Variants in NEGR1 observed in about 807,000 individuals in gnomAD.
NEGR1 encodes the protein neuronal growth regulator 1, also known as IgLON family member 4.
Under a neutral mutation model 40.9 loss-of-function variants are expected in NEGR1, and 10 were observed. The ratio of observed to expected loss-of-function variants is 0.24; its 90% CI spans 0.15 to 0.42. NEGR1 has a LOEUF of 0.42. NEGR1 is among the 10% of genes least tolerant of loss of function. The probability of loss-of-function intolerance (pLI) is 1.00; values close to 1 mark genes in which losing one functional copy is unlikely to be tolerated. For missense variants in NEGR1, 352 were observed against 438.9 expected, an observed-to-expected ratio of 0.80 and a Z score of 1.77; for synonymous variants, 185 against 166.8, an observed-to-expected ratio of 1.11 and a Z score of -0.84.
chr1:71,983,825 T>C (rs892485251), intron 1 of NEGR1, among the ~76,000 whole-genome samples: 13 of 152,204 alleles, frequency 8.5e-5, no homozygotes, highest in African/African-American at 3.1e-4. Flanking sequence ...TCCATTTTAT[T>C]TGTAATTGAT....
chr1:71,784,984 T>C (rs1239959651), intron 2 of NEGR1, among the ~76,000 whole-genome samples: 1 of 152,224 alleles, frequency 6.6e-6, no homozygotes, highest in Non-Finnish European at 1.5e-5. Flanking sequence ...AGAGTTTCAA[T>C]ATTTTGGACT....
At chr1:71,907,165 A>G (rs893337584) in intron 2 of NEGR1, among the ~76,000 whole-genome samples, 22 of 152,242 alleles carry the variant, frequency 1.4e-4, no homozygotes, top group Admixed American at 5.9e-4. Context: ...CATGGGTTAA[A>G]CTCATGCTTC....
At chr1:71,942,472 T>G (rs1645970162) in intron 1 of NEGR1, among the ~76,000 whole-genome samples, 1 of 14,690 alleles carries the variant, frequency 6.8e-5, no homozygotes, top group South Asian at 3.1e-3. Context: ...TATATATATA[T>G]ATATATATAT....
chr1:71,649,545 C>T (rs749310646), intron 4 of NEGR1, among the ~76,000 whole-genome samples: 11 of 151,840 alleles, frequency 7.2e-5, no homozygotes, highest in Non-Finnish European at 1.2e-4. Context: ...TACCTAGGAA[C>T]AAGATAAAAT....
At chr1:71,837,762 G>T (rs1162951752) in intron 2 of NEGR1, among the ~76,000 whole-genome samples, 3 of 152,054 alleles carry the variant, frequency 2.0e-5, no homozygotes. Flanking sequence ...TCTATTTAAA[G>T]CAGTAAAGCA....
At chr1:71,851,898 C>T (rs952904584) in intron 2 of NEGR1, among the ~76,000 whole-genome samples, 1 of 152,026 alleles carries the variant, frequency 6.6e-6, no homozygotes, top group East Asian at 1.9e-4. Flanking sequence ...ATTCACTTCC[C>T]TTACTTGTAA....
chr1:71,506,505 A>G (rs1474152687), intron 6 of NEGR1, among the ~76,000 whole-genome samples: 1 of 152,178 alleles, frequency 6.6e-6, no homozygotes, highest in Admixed American at 6.5e-5. Context: ...TAAGTACCCC[A>G]TGCCAGGTCA....
chr1:71,995,696 T>C (rs1225094979), intron 1 of NEGR1, among the ~76,000 whole-genome samples: 1 of 152,180 alleles, frequency 6.6e-6, no homozygotes, highest in East Asian at 1.9e-4. Context: ...AAGATAAAAC[T>C]TACGATTTCC....
At chr1:71,579,922 T>G (rs1042130155) in intron 6 of NEGR1, among the ~76,000 whole-genome samples, 1 of 152,160 alleles carries the variant, frequency 6.6e-6, no homozygotes, top group Non-Finnish European at 1.5e-5. Flanking sequence ...GGAGTGGGAA[T>G]GAAGCATAGT....
intron 1 of NEGR1, among the ~76,000 whole-genome samples, chr1:71,983,149 T>C (rs564109705): frequency 6.6e-6 from 1 of 152,298 alleles, no homozygotes; most frequent in South Asian, 2.1e-4. Context: ...TAGAGCACTT[T>C]GCAGTTGAAA....
intron 2 of NEGR1, among the ~76,000 whole-genome samples, chr1:71,824,899 C>T (rs1358503901): frequency 6.6e-6 from 1 of 151,958 alleles, no homozygotes; most frequent in African/African-American, 2.4e-5. Context: ...CCCATCTATT[C>T]TCTTATTTAT....
rs561855277 is a variant in NEGR1, at chr1:71,823,446, A to C, written c.410-47149T>G. On this transcript the variant is annotated intron_variant, in intron 2 of 6. Coordinates refer to ENST00000357731, the MANE Select transcript of NEGR1 (RefSeq NM_173808.3). ...GGGAATTGAAGTTGAGAGGTAAATA[A>C]ACTTTTAATGTTTAGAGAATATTTG... Among the ~76,000 whole-genome samples, 4 of 152,124 alleles carry C rather than the reference A, an allele frequency of 2.6e-5. No homozygotes were observed. The East Asian group carries it at 7.8e-4, about 30-fold the overall frequency.
At chr1:72,048,024 A>C (rs1647018792) in intron 1 of NEGR1, among the ~76,000 whole-genome samples, 1 of 151,212 alleles carries the variant, frequency 6.6e-6, no homozygotes, top group Non-Finnish European at 1.5e-5. Flanking sequence ...TGGACCAACT[A>C]CTCTTTTGAC....
intron 1 of NEGR1, among the ~76,000 whole-genome samples, chr1:72,182,451 C>A (rs911544070): frequency 4.6e-5 from 7 of 152,044 alleles, no homozygotes; most frequent in African/African-American, 1.7e-4. Context: ...CAAGATCATG[C>A]CACTGCATTC....
At chr1:71,639,221 A>C (rs1218180648) in intron 4 of NEGR1, among the ~76,000 whole-genome samples, 1 of 151,734 alleles carries the variant, frequency 6.6e-6, no homozygotes, top group Non-Finnish European at 1.5e-5. Context: ...AAAAAAAAAA[A>C]AACAGGACAC....
At chr1:71,511,211 A>G (rs1444411380) in intron 6 of NEGR1, among the ~76,000 whole-genome samples, 1 of 152,226 alleles carries the variant, frequency 6.6e-6, no homozygotes, top group Non-Finnish European at 1.5e-5. Flanking sequence ...TTCACTAGTA[A>G]GAAAGGAAAG....
chr1:71,725,986 A>G (rs1206779448), intron 3 of NEGR1, among the ~76,000 whole-genome samples: 2 of 152,126 alleles, frequency 1.3e-5, no homozygotes, highest in Non-Finnish European at 2.9e-5. Flanking sequence ...CATCCTCAAC[A>G]AGTGGACATG....
At chr1:72,028,065 C>A (rs964835689) in intron 1 of NEGR1, among the ~76,000 whole-genome samples, 5 of 152,208 alleles carry the variant, frequency 3.3e-5, no homozygotes, top group African/African-American at 1.2e-4. Context: ...CGTGAAATTT[C>A]TATCCTAAAA....
At chr1:72,053,691 A>G (rs184803453) in intron 1 of NEGR1, among the ~76,000 whole-genome samples, 2 of 151,384 alleles carry the variant, frequency 1.3e-5, no homozygotes, top group Admixed American at 1.3e-4. Flanking sequence ...TAACTTATAC[A>G]GATAAATTAA....
Sources: allele counts gnomAD v4.1 joint callset (sites outside exome capture counted in the v4.1 genomes callset), GRCh38; gene constraint gnomAD v4.1.1; transcripts MANE v1.5; gene names NCBI Gene and HGNC (gene_info 2026-07-23, HGNC 2026-07-21).